TCF4: variants seen among roughly 807,000 people sequenced by gnomAD.
TCF4 encodes the protein transcription factor 4, also known as SL3-3 enhancer factor 2.
TCF4 carries 3 observed loss-of-function variants against 82.1 expected under a neutral mutation model. The observed-to-expected ratio is 0.04, with a 90% CI of 0.02 to 0.09. The LOEUF (loss-of-function observed/expected upper bound fraction) is 0.09. TCF4 is among the 10% of genes least tolerant of loss of function. TCF4 has a pLI of 1.00. For missense variants in TCF4, 518 were observed against 852.7 expected, an observed-to-expected ratio of 0.61 and a Z score of 4.89; for synonymous variants, 276 against 309.6, an observed-to-expected ratio of 0.89 and a Z score of 1.14.
At chr18:55,525,214 C>G (rs1446245274) in intron 3 of TCF4, among the ~76,000 whole-genome samples, 3 of 151,190 alleles carry the variant, frequency 2.0e-5, no homozygotes, top group Non-Finnish European at 4.4e-5. Context: ...AATTCTAAAT[C>G]AAGTGAGTTT....
chr18:55,483,667 T>C (rs748924799), intron 3 of TCF4, among the ~76,000 whole-genome samples: 14 of 152,238 alleles, frequency 9.2e-5, no homozygotes, highest in Non-Finnish European at 1.6e-4. Flanking sequence ...ACATATTATA[T>C]AATCATTGGC....
intron 8 of TCF4, among the ~76,000 whole-genome samples, chr18:55,312,922 A>AT (rs1328619142): frequency 2.0e-5 from 3 of 152,146 alleles, no homozygotes; most frequent in Non-Finnish European, 4.4e-5. Context: ...AGCTGTGATC[A>AT]TTTTAAATAT....
At chr18:55,466,147 G>A (rs747207345) in intron 3 of TCF4, among the ~76,000 whole-genome samples, 1 of 152,086 alleles carries the variant, frequency 6.6e-6, no homozygotes, top group Non-Finnish European at 1.5e-5. Flanking sequence ...ATCACACAGA[G>A]GCCAAGAGTT....
chr18:55,303,522 C>T (rs2069092197), intron 8 of TCF4, among the ~76,000 whole-genome samples: 1 of 152,130 alleles, frequency 6.6e-6, no homozygotes, highest in Non-Finnish European at 1.5e-5. Flanking sequence ...ACATTACTTG[C>T]AATTTTTCTC....
intron 5 of TCF4, among the ~76,000 whole-genome samples, chr18:55,410,630 G>A (rs76772592): frequency 0.027 from 4,153 of 152,110 alleles, 192 homozygotes; most frequent in African/African-American, 0.092. Flanking sequence ...ATGAAGTGGT[G>A]AAGTTAGCAC....
intron 3 of TCF4, among the ~76,000 whole-genome samples, chr18:55,468,083 C>T (rs72928962): frequency 0.032 from 4,883 of 152,262 alleles, 101 homozygotes; most frequent in Non-Finnish European, 0.049. Flanking sequence ...CTTCTCCCCA[C>T]GCAGAGTGAA....
chr18:55,319,794 T>C (rs570450467), intron 8 of TCF4, among the ~76,000 whole-genome samples: 2 of 152,112 alleles, frequency 1.3e-5, no homozygotes, highest in Non-Finnish European at 2.9e-5. Context: ...GCTGTGGGAA[T>C]GGAATACATA....
chr18:55,488,088 G>T (rs755364044), intron 3 of TCF4, among the ~76,000 whole-genome samples: 5 of 152,248 alleles, frequency 3.3e-5, no homozygotes, highest in Middle Eastern at 6.8e-3. Flanking sequence ...AACTGCACTG[G>T]CATAAACAAA....
exon 1 of TCF4, chr18:55,635,851 A>C: frequency 6.4e-7 from 1 of 1,566,596 alleles, no homozygotes; most frequent in Admixed American, 1.9e-5. Context: ...GATGAAGGGA[A>C]AGAGGAGAGG....
chr18:55,429,627 G>T (rs1235144503), intron 5 of TCF4, among the ~76,000 whole-genome samples: 2 of 151,986 alleles, frequency 1.3e-5, no homozygotes, highest in Non-Finnish European at 2.9e-5. Flanking sequence ...CGGGCATGGT[G>T]GTGGGCGCCT....
At chr18:55,313,757 A>C (rs1024135709) in intron 8 of TCF4, among the ~76,000 whole-genome samples, 1 of 152,156 alleles carries the variant, frequency 6.6e-6, no homozygotes, top group Admixed American at 6.5e-5. Context: ...TGATTAATAC[A>C]AGGAAGAACT....
chr18:55,416,579 A>G (rs1202782952), intron 5 of TCF4, among the ~76,000 whole-genome samples: 2 of 152,250 alleles, frequency 1.3e-5, no homozygotes, highest in African/African-American at 2.4e-5. Flanking sequence ...TATATTTTTT[A>G]GCATCCTTCA....
chr18:55,229,371 G>C (rs938299976), intron 17 of TCF4: 2 of 453,470 alleles, frequency 4.4e-6, no homozygotes, highest in African/African-American at 4.0e-5. Flanking sequence ...GGCAGAAAGG[G>C]AAAACAAAGC....
At chr18:55,358,987 T>A (rs2084342399) in intron 6 of TCF4, among the ~76,000 whole-genome samples, 1 of 152,252 alleles carries the variant, frequency 6.6e-6, no homozygotes, top group Non-Finnish European at 1.5e-5. Context: ...TTGTACATTT[T>A]AAAATCTTAC....
rs531862537 is a variant in TCF4 at position 55,353,103 on chromosome 18, A to G, written c.370-2100T>C. 6.6e-5 allele frequency among the ~76,000 whole-genome samples: 10 copies of G among 152,306 alleles called. No individual in the cohort carries two copies. In the East Asian group the frequency reaches 1.9e-3, roughly 29 times the overall value. The stretch of plus-strand genomic sequence containing the variant: ...CTTGTGTTTTTAAATGAGTTTAACC[A>G]TTGGTTAATTCCTCTTGGTCCTGGT... On this transcript the variant is annotated intron_variant, in intron 6 of 19. Coordinates refer to ENST00000354452, the MANE Select transcript of TCF4 (RefSeq NM_001083962.2).
At position 55,348,265 on chromosome 18, in the gene TCF4, A is replaced by G. The variant is rs114545295; in HGVS notation, c.549+2094T>C. Among the ~76,000 whole-genome samples, 127 of 152,308 alleles carry G rather than the reference A, an allele frequency of 8.3e-4. 1 individual carries two copies. The highest frequency in any genetic ancestry group is 2.7e-3 in the African/African-American group (112 of 41,586). On this transcript the variant is annotated intron_variant, in intron 8 of 19. Coordinates refer to ENST00000354452, the MANE Select transcript of TCF4 (RefSeq NM_001083962.2). ...AGTAAATGGATGATTAAATTATAAAATTACCTAAACTTGTTCTTCTTGCTC... is the reference window on the plus strand; with the variant it reads ...AGTAAATGGATGATTAAATTATAAAGTTACCTAAACTTGTTCTTCTTGCTC...
At chr18:55,257,218 A>G in intron 14 of TCF4, 97 bp downstream of exon 14, 3 of 1,289,696 alleles carry the variant, frequency 2.3e-6, no homozygotes, top group Non-Finnish European at 1.1e-6. Flanking sequence ...TAAAGTTACT[A>G]ACAGGGAAAA....
At chr18:55,404,486 T>C (rs896200748) in intron 5 of TCF4, 4 of 152,202 alleles carry the variant, frequency 2.6e-5, no homozygotes, top group African/African-American at 7.2e-5. Flanking sequence ...GATACTTCTT[T>C]CGTCAAGACT....
chr18:55,434,763 CGTGTGTGT>C lies in TCF4; in HGVS notation c.304+26248_304+26255del, dbSNP rs527450659. ...ACATTCTGATCACCTCTCAAGTATTCGTGTGTGTGTGTGTGTGTGTGTGTGTGTGTGTG... is the reference window on the plus strand; with the variant it reads ...ACATTCTGATCACCTCTCAAGTATTCGTGTGTGTGTGTGTGTGTGTGTGTG... On this transcript the variant is annotated intron_variant, in intron 5 of 19. Coordinates refer to ENST00000354452, the MANE Select transcript of TCF4 (RefSeq NM_001083962.2). 1.8e-4 allele frequency among the ~76,000 whole-genome samples: 24 copies of C among 131,782 alleles called. No individual in the cohort carries two copies. In the East Asian group the frequency reaches 2.0e-3, roughly 11 times the overall value. 86.5% of individuals were successfully genotyped at this position (131,782 alleles called of 152,430 possible). A position where few individuals can be genotyped will look rare whatever the true frequency, so the allele number is the denominator to read the frequency against.
Sources: gnomAD v4.1 joint callset for allele counts (sites outside exome capture counted in the v4.1 genomes callset) on GRCh38, gnomAD v4.1.1 for gene constraint, MANE v1.5 for transcripts, NCBI Gene and HGNC (gene_info 2026-07-23, HGNC 2026-07-21) for gene names.